The following NUDT2 variants were observed in gnomAD, a reference collection of about 807,000 sequenced individuals.
The protein encoded by NUDT2 is nudix hydrolase 2.
In NUDT2, 12 loss-of-function variants were observed where a neutral mutation model predicts 14.2. That is an observed-to-expected ratio of 0.84 (90% CI 0.54 to 1.37). The LOEUF (loss-of-function observed/expected upper bound fraction) is 1.37. Ranked by LOEUF, NUDT2 falls within the 40% of genes most tolerant of loss-of-function variation. The pLI is 0.00. For missense variants in NUDT2, 167 were observed against 176.7 expected, an observed-to-expected ratio of 0.95 and a Z score of 0.31; for synonymous variants, 67 against 67.4, an observed-to-expected ratio of 0.99 and a Z score of 0.03.
intron 4 of NUDT2, among the ~76,000 whole-genome samples, chr9:34,340,978 GA>G (rs1820169557): frequency 2.6e-5 from 4 of 152,192 alleles, no homozygotes; most frequent in African/African-American, 9.6e-5. Context: ...CGCCTGGCCA[GA>G]AGCGGGGACT....
chr9:34,342,854 C>CAAAT (rs773863442), intron 4 of NUDT2, among the ~76,000 whole-genome samples: 141 of 151,608 alleles, frequency 9.3e-4, no homozygotes, highest in Non-Finnish European at 1.4e-3. Context: ...CCATCTTTAC[C>CAAAT]AAATAAATAA....
chr9:34,343,002 C>A, intron 4 of NUDT2, 122 bp from the exon 5 acceptor site: 1 of 860,470 alleles, frequency 1.2e-6, no homozygotes, highest in Non-Finnish European at 1.8e-6. Flanking sequence ...CTGGCCTGGG[C>A]AACAGAGTGA....
intron 1 of NUDT2, among the ~76,000 whole-genome samples, chr9:34,333,459 T>G (rs1288435335): frequency 6.6e-6 from 1 of 151,626 alleles, no homozygotes; most frequent in Non-Finnish European, 1.5e-5. Context: ...AGACCCCATC[T>G]CTACAAAAAA....
chr9:34,342,968 G>A (rs1194574707), intron 4 of NUDT2, among the ~76,000 whole-genome samples, 156 bp from the exon 5 acceptor site: 5 of 152,002 alleles, frequency 3.3e-5, no homozygotes, highest in African/African-American at 1.2e-4. Context: ...CAAGGCTGCG[G>A]TGAGCTGATT....
At chr9:34,338,483 G>A (rs1159237635) in intron 2 of NUDT2, among the ~76,000 whole-genome samples, 1 of 150,292 alleles carries the variant, frequency 6.7e-6, no homozygotes, top group Non-Finnish European at 1.5e-5. Flanking sequence ...ACTCCAGCCT[G>A]GTCAACAGTG....
chr9:34,338,156 TAA>T (rs74180557), intron 2 of NUDT2, among the ~76,000 whole-genome samples: 24 of 31,046 alleles, frequency 7.7e-4, no homozygotes, highest in African/African-American at 2.5e-3. Context: ...CCCTGTTTCT[TAA>T]AAAAAAAAAA....
intron 1 of NUDT2, among the ~76,000 whole-genome samples, chr9:34,331,241 C>T (rs1016799464): frequency 2.0e-5 from 3 of 152,124 alleles, no homozygotes; most frequent in African/African-American, 7.2e-5. Flanking sequence ...GATGAAAAGT[C>T]ATTTCTTTAA....
chr9:34,337,350 A>G (rs558823145), intron 2 of NUDT2, among the ~76,000 whole-genome samples: 2 of 152,308 alleles, frequency 1.3e-5, no homozygotes, highest in Non-Finnish European at 2.9e-5. Context: ...GTGGCTAGAA[A>G]TGGAATTGCT....
chr9:34,343,059 A>G, intron 4 of NUDT2, 65 bp from the exon 5 acceptor site: 2 of 1,461,010 alleles, frequency 1.4e-6, no homozygotes, highest in South Asian at 2.7e-5. Flanking sequence ...TCTTGTCTGG[A>G]AAATCCAGCT....
At chr9:34,341,072 TG>T (rs1483492056) in intron 4 of NUDT2, among the ~76,000 whole-genome samples, 2 of 152,164 alleles carry the variant, frequency 1.3e-5, no homozygotes, top group Non-Finnish European at 2.9e-5. Context: ...AAATAAATTT[TG>T]CATGTTTGAG....
Position 34,338,781 on chromosome 9 carries a change from G to A in NUDT2, c.-83G>A, listed in dbSNP as rs1838162956. 3.5e-6 allele frequency: 1 copy of A among 287,988 alleles called. No individual in the cohort carries two copies. Among genetic ancestry groups the A allele is most frequent in the African/African-American group, 2.1e-5 (1 of 46,666 alleles). 17.8% of individuals were successfully genotyped at this position (287,988 alleles called of 1,614,324 possible). ...CCAGCCCTGTTTTACAGGGAGCCCT[G>A]GAGGAGTTGGGATAGAGGCCACATT... On this transcript the variant is annotated 5_prime_UTR_variant, in exon 3 of 5. It introduces an in-frame stop codon into an upstream open reading frame of the 5' UTR. Coordinates refer to ENST00000379158, the MANE Select transcript of NUDT2 (RefSeq NM_001161.5).
chr9:34,337,930 G>A lies in NUDT2; in HGVS notation c.-151-783G>A, dbSNP rs554830994. On this transcript the variant is annotated intron_variant, in intron 2 of 4. Coordinates refer to ENST00000379158, the MANE Select transcript of NUDT2 (RefSeq NM_001161.5). ...TCGGCTCACCACAACCGTAACCTCC[G>A]CCTCCCGGGTTCAAGCAATTCTCCT... Among the ~76,000 whole-genome samples the A allele has an allele frequency of 5.3e-5, 8 of 151,756 alleles. No homozygotes were observed. The East Asian group carries it at 5.8e-4, about 11-fold the overall frequency.
chr9:34,336,702 T>C (rs72505706), intron 2 of NUDT2, among the ~76,000 whole-genome samples: 21,976 of 152,006 alleles, frequency 0.14, 1,948 homozygotes, highest in South Asian at 0.31. Flanking sequence ...CCACCATACC[T>C]GGCTAATTTT....
chr9:34,336,533 AT>A (rs150148019), intron 2 of NUDT2, among the ~76,000 whole-genome samples, 192 bp downstream of exon 2: 4 of 151,528 alleles, frequency 2.6e-5, no homozygotes, highest in Admixed American at 1.3e-4. Flanking sequence ...GCTTGACCTA[AT>A]TTTTTTTTCT....
At chr9:34,332,878 A>G (rs1837984489) in intron 1 of NUDT2, among the ~76,000 whole-genome samples, 1 of 152,202 alleles carries the variant, frequency 6.6e-6, no homozygotes, top group Non-Finnish European at 1.5e-5. Flanking sequence ...TTCTTACAAG[A>G]AAGAGCTTTA....
chr9:34,341,207 G>A (rs1415749728), intron 4 of NUDT2, among the ~76,000 whole-genome samples: 1 of 152,212 alleles, frequency 6.6e-6, no homozygotes, highest in Non-Finnish European at 1.5e-5. Context: ...ACTACCTGAT[G>A]TCAGTGGACC....
chr9:34,332,068 C>G (rs1339281297), intron 1 of NUDT2, among the ~76,000 whole-genome samples: 2 of 152,238 alleles, frequency 1.3e-5, no homozygotes, highest in Non-Finnish European at 2.9e-5. Context: ...CTCTCTGCCT[C>G]CAATCTGTCC....
At chr9:34,334,806 A>G (rs1323008216) in intron 1 of NUDT2, among the ~76,000 whole-genome samples, 1 of 152,168 alleles carries the variant, frequency 6.6e-6, no homozygotes, top group Non-Finnish European at 1.5e-5. Context: ...GTGGCATTGT[A>G]CTGTGTCAGT....
At chr9:34,330,627 T>C (rs1563970953) in intron 1 of NUDT2, among the ~76,000 whole-genome samples, 1 of 152,114 alleles carries the variant, frequency 6.6e-6, no homozygotes, top group Non-Finnish European at 1.5e-5. Context: ...ATAATGAAGG[T>C]AAAGCACTTG....
Sources: gnomAD v4.1 joint callset for allele counts (sites outside exome capture counted in the v4.1 genomes callset) on GRCh38, gnomAD v4.1.1 for gene constraint, MANE v1.5 for transcripts, NCBI Gene and HGNC (gene_info 2026-07-23, HGNC 2026-07-21) for gene names.